The following SKAP1 variants were observed in gnomAD, a reference collection of about 807,000 sequenced individuals.
SKAP1 encodes src kinase-associated phosphoprotein 1.
In SKAP1, 44 loss-of-function variants were observed where a neutral mutation model predicts 58.5. The ratio of observed to expected loss-of-function variants is 0.75; its 90% CI spans 0.59 to 0.97. The LOEUF (loss-of-function observed/expected upper bound fraction) is 0.97, where lower values mean the gene tolerates loss of function less well. SKAP1 is among the 50% of genes least tolerant of loss of function. The pLI is 0.00. For missense variants in SKAP1, 390 were observed against 435.2 expected (o/e 0.90, Z 0.92); for synonymous variants, 127 against 149.7 (o/e 0.85, Z 1.11).
At chr17:48,421,494 G>A (rs1480817936) in intron 1 of SKAP1, among the ~76,000 whole-genome samples, 4 of 151,768 alleles carry the variant, frequency 2.6e-5, no homozygotes, top group Non-Finnish European at 5.9e-5. Flanking sequence ...TAGTAGAGAC[G>A]GGGTTTCACC....
Position 48,309,874 on chromosome 17 carries a change from A to T in SKAP1, c.280+36031T>A, listed in dbSNP as rs979781941. ...AGCCTAACTCTCTAGAACTACTTGAAAATGTTGTCTTGGTATGTTGGCCTT... is the reference window on the plus strand; with the variant it reads ...AGCCTAACTCTCTAGAACTACTTGATAATGTTGTCTTGGTATGTTGGCCTT... On this transcript the variant is annotated intron_variant, in intron 4 of 12. Transcript: ENST00000336915. 2.6e-5 allele frequency among the ~76,000 whole-genome samples: 4 copies of T among 152,186 alleles called. No homozygotes were observed. In the East Asian group the frequency reaches 7.7e-4, roughly 29 times the overall value.
chr17:48,329,115 A>G (rs564905363), intron 4 of SKAP1, among the ~76,000 whole-genome samples: 1 of 152,300 alleles, frequency 6.6e-6, no homozygotes, highest in East Asian at 1.9e-4. Flanking sequence ...ATTATAGACC[A>G]TTTGCATCAC....
intron 9 of SKAP1, 22 bp from the exon 10 acceptor site, chr17:48,170,681 A>G (rs760052144): frequency 4.4e-6 from 7 of 1,580,022 alleles, no homozygotes; most frequent in Non-Finnish European, 6.1e-6. Flanking sequence ...AATGATCAGT[A>G]TTAGCAATTA....
chr17:48,345,977 C>T lies in SKAP1; in HGVS notation c.208G>A (p.Asp70Asn), dbSNP rs2066716736. 6.2e-7 allele frequency: 1 copy of T among 1,613,018 alleles called. No homozygotes were observed. The highest frequency in any genetic ancestry group is 8.5e-7 in the Non-Finnish European group (1 of 1,179,444). Residue 70 changes from aspartate to asparagine, a missense_variant, in exon 4 of 13, where the codon GAT becomes AAT. Asp to Asn is a conservative substitution (Grantham distance 23). Coordinates refer to ENST00000336915, the MANE Select transcript of SKAP1 (RefSeq NM_003726.4). ...GGDIGQDSSD[D>N]NHSGTLGLSL... The stretch of plus-strand genomic sequence containing the variant: ...AGGCCAAGAGTCCCGCTGTGATTAT[C>T]ATCAGAGCTGTCCTGTCCAATGTCT...
chr17:48,253,318 T>C (rs2065388226), intron 4 of SKAP1, among the ~76,000 whole-genome samples: 1 of 152,128 alleles, frequency 6.6e-6, no homozygotes, highest in African/African-American at 2.4e-5. Flanking sequence ...GGCCTTCAAG[T>C]TGTGGCAAGG....
At chr17:48,239,830 G>GAGAGAGAGAGAGAGAGAGAC (rs1164692274) in intron 4 of SKAP1, among the ~76,000 whole-genome samples, 1 of 62,574 alleles carries the variant, frequency 1.6e-5, no homozygotes, top group African/African-American at 3.8e-5. Context: ...TAATTAGAAT[G>GAGAGAGAGAGAGAGAGAGAC]AGAGAGAGAG....
the SKAP1 span, among the ~76,000 whole-genome samples, chr17:48,436,919 G>T: frequency 6.6e-6 from 1 of 152,178 alleles, no homozygotes; most frequent in African/African-American, 2.4e-5. Flanking sequence ...CACATAGCTT[G>T]CTTGGCATTG....
intron 4 of SKAP1, among the ~76,000 whole-genome samples, chr17:48,327,770 T>C (rs562443406): frequency 6.6e-6 from 1 of 152,194 alleles, no homozygotes; most frequent in Admixed American, 6.5e-5. Context: ...GGACTACAGG[T>C]GCGTGCCACC....
At chr17:48,304,475 T>C (rs1160273105) in intron 4 of SKAP1, among the ~76,000 whole-genome samples, 3 of 152,214 alleles carry the variant, frequency 2.0e-5, no homozygotes, top group Admixed American at 6.5e-5. Context: ...TAGTGTAGAA[T>C]TGTGTAGAAG....
rs551647747 is a variant in SKAP1, at chr17:48,336,756, A to T, written c.280+9149T>A. 2.6e-5 allele frequency among the ~76,000 whole-genome samples: 4 copies of T among 152,224 alleles called. No individual in the cohort carries two copies. In the South Asian group the frequency reaches 8.3e-4, roughly 32 times the overall value. ...TTCATTAGAAGGGCTAGATTAGATA[A>T]CTCAAAGTAATTTTTTTCCCCTAAG... On this transcript the variant is annotated intron_variant, in intron 4 of 12. Transcript: ENST00000336915.
At chr17:48,330,110 G>A (rs959662329) in intron 4 of SKAP1, among the ~76,000 whole-genome samples, 4 of 152,166 alleles carry the variant, frequency 2.6e-5, no homozygotes, top group Non-Finnish European at 5.9e-5. Context: ...ATCTTTTGCA[G>A]GATGGTAGTA....
intron 4 of SKAP1, among the ~76,000 whole-genome samples, chr17:48,197,828 C>A (rs1327414034): frequency 6.6e-6 from 1 of 152,134 alleles, no homozygotes; most frequent in Non-Finnish European, 1.5e-5. Flanking sequence ...GATGAAGAAC[C>A]CTCTCATTCC....
chr17:48,198,246 G>A (rs1178040510), intron 4 of SKAP1, among the ~76,000 whole-genome samples: 2 of 151,914 alleles, frequency 1.3e-5, no homozygotes, highest in Non-Finnish European at 2.9e-5. Flanking sequence ...ACGAGGTCAG[G>A]AGATCGAGAC....
chr17:48,401,450 T>C (rs79991041), intron 1 of SKAP1, among the ~76,000 whole-genome samples: 26,225 of 152,042 alleles, frequency 0.17, 2,319 homozygotes, highest in Non-Finnish European at 0.19. Context: ...AGGAATAGAA[T>C]TGGGAATCCA....
intron 11 of SKAP1, among the ~76,000 whole-genome samples, chr17:48,141,337 A>T (rs1334848408): frequency 6.6e-6 from 1 of 151,640 alleles, no homozygotes; most frequent in Non-Finnish European, 1.5e-5. Flanking sequence ...CTCTGCTTGG[A>T]AACTTTCGGT....
At chr17:48,253,821 C>A (rs572913873) in intron 4 of SKAP1, among the ~76,000 whole-genome samples, 1 of 151,956 alleles carries the variant, frequency 6.6e-6, no homozygotes, top group Non-Finnish European at 1.5e-5. Flanking sequence ...CCATAGCAAA[C>A]CCCTCATCAG....
chr17:48,404,759 T>A (rs2067548494), intron 1 of SKAP1, among the ~76,000 whole-genome samples: 1 of 151,916 alleles, frequency 6.6e-6, no homozygotes, highest in Non-Finnish European at 1.5e-5. Flanking sequence ...ATGACAATAG[T>A]GAAAAGTTAG....
At chr17:48,403,201 A>G (rs2067524291) in intron 1 of SKAP1, among the ~76,000 whole-genome samples, 1 of 147,546 alleles carries the variant, frequency 6.8e-6, no homozygotes, top group Admixed American at 6.8e-5. Context: ...TGTCTCTACA[A>G]AAAAAAAAAA....
intron 4 of SKAP1, among the ~76,000 whole-genome samples, chr17:48,254,648 A>G (rs1305825648): frequency 6.6e-6 from 1 of 150,464 alleles, no homozygotes; most frequent in East Asian, 1.9e-4. Flanking sequence ...TCATTCTGTC[A>G]TATTTACTGA....
Sources: gnomAD v4.1 joint callset for allele counts (sites outside exome capture counted in the v4.1 genomes callset) on GRCh38, gnomAD v4.1.1 for gene constraint, MANE v1.5 for transcripts, NCBI Gene and HGNC (gene_info 2026-07-23, HGNC 2026-07-21) for gene names.